Variants in PFAS observed in about 807,000 individuals in gnomAD.
PFAS encodes FGAM synthase.
A neutral mutation model predicts 140.6 loss-of-function variants in PFAS; 97 were observed. The observed-to-expected ratio is 0.69, with a 90% CI of 0.59 to 0.82. The LOEUF is 0.82. PFAS is among the 40% of genes least tolerant of loss of function. The pLI is 0.00. For synonymous variants in PFAS, 679 were observed against 718.8 expected (o/e 0.94, Z 0.88); for missense variants, 1,656 against 1,780.2 (o/e 0.93, Z 1.26).
At chr17:8,247,990 A>T, upstream of PFAS, 1 of 1,603,976 alleles carries the variant, frequency 6.2e-7, no homozygotes, top group Admixed American at 1.7e-5. Context: ...AAGAGACGTA[A>T]TAGCAGCACT....
Position 8,255,914 on chromosome 17 carries a change from A to G in PFAS, c.680+4A>G, listed in dbSNP as rs7221716. The G allele has an allele frequency of 0.85, 1,356,308 of 1,603,652 alleles. 575,131 individuals are homozygous for G. Among genetic ancestry groups the G allele is most frequent in the Non-Finnish European group, 0.86 (1,003,102 of 1,170,824 alleles). On this transcript the variant is annotated splice_donor_region_variant and intron_variant, in intron 6 of 27. Coordinates refer to ENST00000314666, the MANE Select transcript of PFAS (RefSeq NM_012393.3). ...TTGACTTGGCGCAGTCCAATAGGTG[A>G]GGAGAAATGGGGTTGTTCCCATACC...
In PFAS at chr17:8,267,968, T is replaced by C. The variant is rs1413523611; in HGVS notation, c.3382+303T>C. Reference sequence around the variant, plus strand: ...TTATATATTATTAAAATATATATTATTTATATATATTATTTATATATTATT... The same window carrying C: ...TTATATATTATTAAAATATATATTACTTATATATATTATTTATATATTATT... On this transcript the variant is annotated intron_variant, in intron 26 of 27. Transcript: ENST00000314666. This position sits in a 1 kb window ranked among gnomAD's most constrained non-coding sequence, Gnocchi z 4.9. Among the ~76,000 whole-genome samples, 1 of 143,936 alleles carries C rather than the reference T, an allele frequency of 6.9e-6. No homozygotes were observed. The highest frequency in any genetic ancestry group is 1.5e-5 in the Non-Finnish European group (1 of 65,922). 94.4% of individuals were successfully genotyped at this position (143,936 alleles called of 152,430 possible).
chr17:8,260,664 G>T (rs551092647), intron 11 of PFAS, among the ~76,000 whole-genome samples: 2 of 152,206 alleles, frequency 1.3e-5, no homozygotes, highest in South Asian at 4.2e-4. Flanking sequence ...TCGCTCTGTC[G>T]CCCAAGCTGG....
At chr17:8,258,669 T>C (rs1351739216) in intron 11 of PFAS, among the ~76,000 whole-genome samples, 1 of 152,026 alleles carries the variant, frequency 6.6e-6, no homozygotes, top group Non-Finnish European at 1.5e-5. Flanking sequence ...GCTGAAACCC[T>C]GTTGCTACTA....
chr17:8,248,021 C>G (rs753797185), upstream of PFAS: 7 of 1,609,084 alleles, frequency 4.4e-6, no homozygotes, highest in Non-Finnish European at 5.1e-6. Flanking sequence ...GGGACCTGGG[C>G]CCGGCCAGCC....
chr17:8,257,719 G>A (rs1326148572), intron 9 of PFAS, 88 bp from the exon 10 acceptor site: 25 of 1,388,240 alleles, frequency 1.8e-5, no homozygotes, highest in Non-Finnish European at 2.5e-5. Context: ...GTCCTTGGTG[G>A]CCTTGACTCT....
chr17:8,268,435 G>T, intron 26 of PFAS, 98 bp from the exon 27 acceptor site: 7 of 767,444 alleles, frequency 9.1e-6, no homozygotes, highest in African/African-American at 1.8e-5. Context: ...AAGGAAGAAA[G>T]AAAAAAGAAA....
In PFAS at chr17:8,263,781, G is replaced by A; in HGVS notation, c.1636G>A (p.Asp546Asn). 6.2e-7 allele frequency: 1 copy of A among 1,613,608 alleles called. No individual in the cohort carries two copies. Among genetic ancestry groups the A allele is most frequent in the Non-Finnish European group, 8.5e-7 (1 of 1,179,700 alleles). Residue 546 changes from aspartate (D) to asparagine (N), a missense_variant, in exon 15 of 28, where the codon GAC becomes AAC. Transcript: ENST00000314666. ...CCCCGCCGTGGCTGTGCAGCTTGGG[G>A]ACCCAACCCTGAATGCCCTGGAAAT... ...IIYTSRFQLG[D>N]PTLNALEIWG...
Position 8,255,117 on chromosome 17 carries a change from G to A in PFAS, c.369G>A (p.Arg123=), listed in dbSNP as rs979030009. 3 of 1,611,034 alleles carry A rather than the reference G, an allele frequency of 1.9e-6. No homozygotes were observed. In the African/African-American group the frequency reaches 4.0e-5, roughly 22 times the overall value. ...CTGTGGATCGTGTGGAGACCACCCG[G>A]CGCTACCGGCTCTCGGTGAGGTGAT... ...LGPVDRVETT[R]RYRLSFAHPP... Residue 123 remains arginine (R), a synonymous_variant, in exon 4 of 28, where the codon CGG becomes CGA. Transcript: ENST00000314666.
chr17:8,264,140 T>C, intron 15 of PFAS, 72 bp from the exon 16 acceptor site: 2 of 1,592,612 alleles, frequency 1.3e-6, no homozygotes, highest in Non-Finnish European at 1.7e-6. Context: ...ATTTGTGCCC[T>C]GATTTCTAGG....
At position 8,263,095 on chromosome 17, in the gene PFAS, A is replaced by C; in HGVS notation, c.1411-14A>C. On this transcript the variant is annotated splice_polypyrimidine_tract_variant and intron_variant, in intron 12 of 27. Coordinates refer to ENST00000314666, the MANE Select transcript of PFAS (RefSeq NM_012393.3). ...CAGTCTCGCTGAGCTGAGCTATGCCATATATGCCCCCAGGTGCAGGGAGAT... is the reference window on the plus strand; with the variant it reads ...CAGTCTCGCTGAGCTGAGCTATGCCCTATATGCCCCCAGGTGCAGGGAGAT... The C allele has an allele frequency of 1.2e-6, 2 of 1,613,840 alleles. No homozygotes were observed. Among genetic ancestry groups the C allele is most frequent in the Non-Finnish European group, 1.7e-6 (2 of 1,179,708 alleles).
intron 1 of PFAS, among the ~76,000 whole-genome samples, chr17:8,251,353 C>A (rs1229180853): frequency 6.6e-6 from 1 of 152,074 alleles, no homozygotes; most frequent in African/African-American, 2.4e-5. Context: ...ACAATCGTAG[C>A]TCACTGCAGC....
rs972641205 is a variant in PFAS, at chr17:8,267,914, T to A, written c.3382+249T>A. Among the ~76,000 whole-genome samples the A allele has an allele frequency of 1.4e-5, 2 of 145,494 alleles. No homozygotes were observed. The highest frequency in any genetic ancestry group is 3.0e-5 in the Non-Finnish European group (2 of 66,418). ...TTAAATATATATTATTTATATATAT[T>A]ATTTATATATTATTAAAATGTATAT... is the stretch of plus-strand genomic sequence containing the variant. On this transcript the variant is annotated intron_variant, in intron 26 of 27. Transcript: ENST00000314666. This position sits in a 1 kb window ranked among gnomAD's most constrained non-coding sequence, Gnocchi z 4.9.
intron 1 of PFAS, among the ~76,000 whole-genome samples, chr17:8,251,436 C>T (rs984595924): frequency 2.6e-5 from 4 of 152,080 alleles, no homozygotes; most frequent in African/African-American, 9.6e-5. Flanking sequence ...TACATGCCAC[C>T]ATGCCCCACT....
At position 8,267,069 on chromosome 17, in the gene PFAS, T is replaced by C. The variant is rs1469548048; in HGVS notation, c.3009T>C (p.Pro1003=). Residue 1003 remains proline (P), a synonymous_variant, in exon 24 of 28, where the codon CCT becomes CCC. Transcript: ENST00000314666. The surrounding 1 kb of genome is among the most constrained non-coding windows in gnomAD (Gnocchi z 4.9). ...SVNGAVVLEE[P]VGELRALWEE... ...ACGGGGCTGTGGTTCTGGAGGAGCC[T>C]GTTGGGGAGCTGCGAGCCCTCTGGG... 6 of 1,613,896 alleles carry C rather than the reference T, an allele frequency of 3.7e-6. No individual in the cohort carries two copies. Among genetic ancestry groups the C allele is most frequent in the African/African-American group, 1.3e-5 (1 of 74,908 alleles).
At position 8,261,227 on chromosome 17, in the gene PFAS, TTTTC is replaced by T. The variant is rs557537469; in HGVS notation, c.1337-1681_1337-1678del. ...CTAATGACTAATGATGTTGAGCGTG[TTTTC>T]TTTCTTTCTTTTTTTTTTTTGTAGA... On this transcript the variant is annotated intron_variant, in intron 11 of 27. Transcript: ENST00000314666. Among the ~76,000 whole-genome samples the T allele has an allele frequency of 1.6e-3, 249 of 152,110 alleles. 1 individual carries two copies. Among genetic ancestry groups the T allele is most frequent in the African/African-American group, 5.3e-3 (222 of 41,516 alleles).
chr17:8,257,072 A>G (rs1989399449), intron 9 of PFAS, 109 bp downstream of exon 9: 6 of 1,205,724 alleles, frequency 5.0e-6, no homozygotes, highest in Non-Finnish European at 6.1e-6. Context: ...GCCTTTTCTC[A>G]GGAGGAAGGG....
upstream of PFAS, among the ~76,000 whole-genome samples, chr17:8,248,677 C>T (rs1988988156): frequency 6.6e-6 from 1 of 152,024 alleles, no homozygotes; most frequent in South Asian, 2.1e-4. Context: ...CCCACCTCAG[C>T]CCACCAAGTA....
rs1045784715 is a variant in PFAS at position 8,270,422 on chromosome 17, T to A, written c.*1158T>A. The stretch of plus-strand genomic sequence containing the variant: ...GGTATGTATCTGAATTAATTCTCAC[T>A]AAAATTCAGCAAAGGACTTGATAGC... On this transcript the variant is annotated 3_prime_UTR_variant, in exon 28 of 28. Transcript: ENST00000314666. 6.6e-6 allele frequency: 1 copy of A among 152,232 alleles called. No homozygotes were observed. The highest frequency in any genetic ancestry group is 2.4e-5 in the African/African-American group (1 of 41,462). The allele number at this position is 152,232 out of a possible 1,614,324, so 9.4% of individuals were successfully genotyped here.
Sources: gnomAD v4.1 joint callset for allele counts (sites outside exome capture counted in the v4.1 genomes callset) on GRCh38, gnomAD v4.1.1 for gene constraint, Gnocchi (gnomAD v3.1) non-coding constraint, MANE v1.5 for transcripts, NCBI Gene and HGNC (gene_info 2026-07-23, HGNC 2026-07-21) for gene names.